Variants in BRPF3 observed in about 807,000 individuals in gnomAD.
BRPF3 encodes the protein bromodomain and PHD finger-containing protein 3.
BRPF3 carries 18 observed loss-of-function variants against 102.0 expected under a neutral mutation model. The observed-to-expected ratio is 0.18, with a 90% CI of 0.12 to 0.26. The LOEUF (loss-of-function observed/expected upper bound fraction) is 0.26. Among genes scored for constraint, BRPF3 ranks in the 10% least tolerant of loss-of-function variants. The pLI is 1.00. For missense variants in BRPF3, 1,147 were observed against 1,567.8 expected (o/e 0.73, Z 4.53); for synonymous variants, 570 against 614.2 (o/e 0.93, Z 1.06).
chr6:36,199,397 A>G (rs1042966825), intron 1 of BRPF3, among the ~76,000 whole-genome samples: 1 of 152,214 alleles, frequency 6.6e-6, no homozygotes, highest in Non-Finnish European at 1.5e-5. Flanking sequence ...CCCTGGTGCC[A>G]AAAAGGCTGG....
chr6:36,201,651 A>G lies in BRPF3; in HGVS notation c.1329A>G (p.Gly443=), dbSNP rs983641139. 2 of 1,614,108 alleles carry G rather than the reference A, an allele frequency of 1.2e-6. No individual in the cohort carries two copies. The highest frequency in any genetic ancestry group is 2.7e-5 in the African/African-American group (2 of 74,934). Residue 443 remains glycine, a synonymous_variant, in exon 2 of 13, where the codon GGA becomes GGG. Transcript: ENST00000357641. This position sits in a 1 kb window ranked among gnomAD's most constrained non-coding sequence, Gnocchi z 5.1. ...AQGGVSGSLK[G]VPKKSKMSLK... ...GCGGGGTGAGTGGCTCCCTCAAGGGAGTGCCCAAGAAAAGCAAGATGAGTT... is the reference window on the plus strand; with the variant it reads ...GCGGGGTGAGTGGCTCCCTCAAGGGGGTGCCCAAGAAAAGCAAGATGAGTT...
chr6:36,208,077 A>G (rs1403563988), intron 4 of BRPF3, among the ~76,000 whole-genome samples: 2 of 152,364 alleles, frequency 1.3e-5, no homozygotes, highest in East Asian at 1.9e-4. Flanking sequence ...GGGTAATTAT[A>G]GAGCCTACAT....
chr6:36,197,362 A>T (rs1054696652), intron 1 of BRPF3: 3 of 152,364 alleles, frequency 2.0e-5, no homozygotes, highest in South Asian at 2.1e-4. Flanking sequence ...CGCCCCGCTC[A>T]TTCGCTGGCG....
intron 11 of BRPF3, among the ~76,000 whole-genome samples, chr6:36,226,908 C>T (rs1331161124): frequency 2.6e-5 from 4 of 152,208 alleles, no homozygotes; most frequent in South Asian, 2.1e-4. Context: ...GCGGTGAAAC[C>T]GCAGGACTCC....
Position 36,200,801 on chromosome 6 carries a change from A to G in BRPF3, c.479A>G (p.Asp160Gly). The G allele has an allele frequency of 6.2e-7, 1 of 1,614,102 alleles. No homozygotes were observed. The highest frequency in any genetic ancestry group is 8.5e-7 in the Non-Finnish European group (1 of 1,180,018). ...GTAGAGTATGACATGGATGAGGAGG[A>G]CCTTGCCTGGCTGGACATGGTGAAT... Reference protein sequence around the residue: ...AEVEYDMDEEDLAWLDMVNEK... With the variant: ...AEVEYDMDEEGLAWLDMVNEK... Residue 160 changes from aspartate (D) to glycine (G), a missense_variant, in exon 2 of 13, where the codon GAC (aspartate) becomes GGC (glycine). Transcript: ENST00000357641. This position sits in a 1 kb window ranked among gnomAD's most constrained non-coding sequence, Gnocchi z 5.3.
At position 36,230,767 on chromosome 6, in the gene BRPF3, G is replaced by A. The variant is rs1768913240; in HGVS notation, c.*158G>A. 2 of 933,532 alleles carry A rather than the reference G, an allele frequency of 2.1e-6. No individual in the cohort carries two copies. Among genetic ancestry groups the A allele is most frequent in the South Asian group, 1.8e-5 (1 of 56,458 alleles). The allele number at this position is 933,532 out of a possible 1,614,324, so 57.8% of individuals were successfully genotyped here. A position where few individuals can be genotyped will look rare whatever the true frequency, so the allele number is the denominator to read the frequency against. ...CCACTAAGGGCAAGGCCCCAGTTTT[G>A]ACCAATCGCATGGTTCTCCTGGCAG... On this transcript the variant is annotated 3_prime_UTR_variant, in exon 13 of 13. Transcript: ENST00000357641. The surrounding 1 kb of genome is among the most constrained non-coding windows in gnomAD (Gnocchi z 5.4).
chr6:36,214,170 C>G lies in BRPF3; in HGVS notation c.2773C>G (p.Arg925Gly). The change falls in exon 8 of 13, where the codon CGC becomes GGC. Residue 925 changes from arginine to glycine, a missense_variant. Transcript: ENST00000357641. ...CGGTACCCCACTTAGTGGTGTGGGT[C>G]GCCGCACATCAGTCCTCTTCAAGAA... ...PAGTPLSGVG[R>G]RTSVLFKKAK... 1 of 1,614,148 alleles carries G rather than the reference C, an allele frequency of 6.2e-7. No homozygotes were observed. The highest frequency in any genetic ancestry group is 8.5e-7 in the Non-Finnish European group (1 of 1,180,020).
intron 2 of BRPF3, 133 bp from the exon 3 acceptor site, chr6:36,204,525 T>C: frequency 4.2e-6 from 4 of 944,948 alleles, no homozygotes; most frequent in Non-Finnish European, 6.8e-6. Flanking sequence ...TTCTCTGAGG[T>C]GAGGTATTTG....
Position 36,203,508 on chromosome 6 carries a change from T to C in BRPF3, c.1449-1150T>C, listed in dbSNP as rs530548629. ...GCTGCCTACATCTGGGCAGGTGTGC[T>C]TGGCATGGACATTGGTCGGGATCTG... On this transcript the variant is annotated intron_variant, in intron 2 of 12. Coordinates refer to ENST00000357641, the MANE Select transcript of BRPF3 (RefSeq NM_015695.3). 2.0e-5 allele frequency among the ~76,000 whole-genome samples: 3 copies of C among 152,336 alleles called. No individual in the cohort carries two copies. In the South Asian group the frequency reaches 6.2e-4, roughly 32 times the overall value.
Position 36,214,132 on chromosome 6 carries a change from C to T in BRPF3, c.2735C>T (p.Pro912Leu). The change falls in exon 8 of 13, where the codon CCT (proline) becomes CTT (leucine). Residue 912 changes from proline (P) to leucine (L), a missense_variant. Pro to Leu is a moderately conservative substitution (Grantham distance 98, BLOSUM62 -3). This residue lies in a region of BRPF3 where 379 missense variants were observed against 426.3 expected (regional missense o/e 0.89). Coordinates refer to ENST00000357641, the MANE Select transcript of BRPF3 (RefSeq NM_015695.3). ...ATCAACAGACTATCCCTCATGGCCC[C>T]TGACACCCCGGCCGGTACCCCACTT... ...NGINRLSLMA[P>L]DTPAGTPLSG... 6.2e-7 allele frequency: 1 copy of T among 1,614,226 alleles called. No homozygotes were observed. The highest frequency in any genetic ancestry group is 8.5e-7 in the Non-Finnish European group (1 of 1,180,050).
At chr6:36,208,698 C>A (rs1318503256) in intron 4 of BRPF3, among the ~76,000 whole-genome samples, 1 of 152,204 alleles carries the variant, frequency 6.6e-6, no homozygotes, top group Non-Finnish European at 1.5e-5. Flanking sequence ...CACAGCTGAA[C>A]TTCTCATCTC....
At chr6:36,199,644 GTTTTC>G (rs1410190657) in intron 1 of BRPF3, among the ~76,000 whole-genome samples, 1 of 152,126 alleles carries the variant, frequency 6.6e-6, no homozygotes, top group Non-Finnish European at 1.5e-5. Flanking sequence ...TGCTTTTCTT[GTTTTC>G]TTTTCTAAAC....
At chr6:36,226,708 T>C (rs1398650591) in intron 11 of BRPF3, among the ~76,000 whole-genome samples, 1 of 152,260 alleles carries the variant, frequency 6.6e-6, no homozygotes, top group East Asian at 1.9e-4. Context: ...TGATCCTGTT[T>C]GGTCAGATAA....
intron 1 of BRPF3, among the ~76,000 whole-genome samples, chr6:36,198,782 T>TA (rs1208387038): frequency 1.2e-4 from 18 of 152,154 alleles, no homozygotes; most frequent in Admixed American, 9.2e-4. Flanking sequence ...TCCCCAAAGG[T>TA]CTCTCCTGGT....
At chr6:36,223,557 A>G (rs144378335) in intron 10 of BRPF3, among the ~76,000 whole-genome samples, 346 of 152,288 alleles carry the variant, frequency 2.3e-3, no homozygotes, top group Middle Eastern at 6.8e-3. Context: ...TTTCAGGCAC[A>G]TTTTTAACAA....
At chr6:36,197,482 G>A (rs1767542793) in intron 1 of BRPF3, 1 of 152,312 alleles carries the variant, frequency 6.6e-6, no homozygotes, top group African/African-American at 2.4e-5. Flanking sequence ...GAGGGGTCAA[G>A]ATTCTTCTGG....
At chr6:36,203,943 T>C (rs1048565216) in intron 2 of BRPF3, among the ~76,000 whole-genome samples, 1 of 152,216 alleles carries the variant, frequency 6.6e-6, no homozygotes, top group Non-Finnish European at 1.5e-5. Flanking sequence ...ATATGGATAT[T>C]AAAGACAGAT....
At position 36,200,401 on chromosome 6, in the gene BRPF3, C is replaced by G; in HGVS notation, c.79C>G (p.Pro27Ala). 6.2e-7 allele frequency: 1 copy of G among 1,614,274 alleles called. No individual in the cohort carries two copies. The highest frequency in any genetic ancestry group is 8.5e-7 in the Non-Finnish European group (1 of 1,180,048). ...SPSPYSLKCSPTRETLTYAQA... is the reference protein window; with the variant it reads ...SPSPYSLKCSATRETLTYAQA... ...GTCCCCCTACAGTCTCAAGTGCTCA[C>G]CCACCCGGGAGACCCTGACATATGC... is the stretch of plus-strand genomic sequence containing the variant. Residue 27 changes from proline to alanine, a missense_variant, in exon 2 of 13, where the codon CCC becomes GCC. By Grantham distance (27) the Pro-to-Ala change is conservative (BLOSUM62 -1). Coordinates refer to ENST00000357641, the MANE Select transcript of BRPF3 (RefSeq NM_015695.3). The surrounding 1 kb of genome is among the most constrained non-coding windows in gnomAD (Gnocchi z 5.3).
At chr6:36,202,795 C>T (rs527947479) in intron 2 of BRPF3, among the ~76,000 whole-genome samples, 4 of 152,176 alleles carry the variant, frequency 2.6e-5, no homozygotes, top group Non-Finnish European at 5.9e-5. Context: ...AGACCCTATA[C>T]CACAAGAGCT....
Sources: gnomAD v4.1 joint callset for allele counts (sites outside exome capture counted in the v4.1 genomes callset) on GRCh38, gnomAD v4.1.1 for gene constraint, gnomAD v4.1.1 regional missense constraint, Gnocchi (gnomAD v3.1) non-coding constraint, MANE v1.5 for transcripts, NCBI Gene and HGNC (gene_info 2026-07-23, HGNC 2026-07-21) for gene names.